TAS2R31: variants seen among roughly 807,000 people sequenced by gnomAD.
The protein encoded by TAS2R31 is taste receptor type 2 member 31.
For synonymous variants in TAS2R31, 118 were observed against 131.4 expected (o/e 0.90, Z 0.70); for missense variants, 352 against 347.4 (o/e 1.01, Z -0.10).
At position 11,031,072 on chromosome 12, in the gene TAS2R31, C is replaced by G. The variant is rs544402716; in HGVS notation, c.264G>C (p.Trp88Cys). The change falls in exon 1 of 1, where the codon TGG becomes TGC. Residue 88 changes from tryptophan (W) to cysteine (C), a missense_variant. Transcript: ENST00000390675. ...VEVRTTAYNV[W>C]AVTGHFSNWL... ...AGTTGCTGAAATGGCCGGTTACTGC[C>G]CAGACATTATAAGCAGTAGTTCTTA... The G allele has an allele frequency of 1.5e-4, 244 of 1,611,872 alleles. No homozygotes were observed. The East Asian group carries it at 2.9e-3, about 19-fold the overall frequency.
rs757761121 is a variant in TAS2R31, at chr12:11,030,411, G to A, written c.925C>T (p.Pro309Ser). 6.2e-7 allele frequency: 1 copy of A among 1,613,514 alleles called. No homozygotes were observed. Among genetic ancestry groups the A allele is most frequent in the South Asian group, 1.1e-5 (1 of 91,010 alleles). Residue 309 changes from proline (P) to serine (S), a missense_variant, in exon 1 of 1, where the codon CCA (proline) becomes TCA (serine). Physicochemically the swap from Pro to Ser is moderately conservative, Grantham distance 74 (BLOSUM62 -1). Transcript: ENST00000390675. Reference protein sequence around the residue: ...YWVKGEKPSSP With the variant: ...YWVKGEKPSSS ...ACAATGCCCCTCTCATGAATCTATGGAGATGAAGGCTTCTCTCCTTTCACC... is the reference window on the plus strand; with the variant it reads ...ACAATGCCCCTCTCATGAATCTATGAAGATGAAGGCTTCTCTCCTTTCACC...
In TAS2R31 at chr12:11,030,511, G is replaced by A. The variant is rs376570973; in HGVS notation, c.825C>T (p.His275=). 1.2e-6 allele frequency: 2 copies of A among 1,614,140 alleles called. No homozygotes were observed. Among genetic ancestry groups the A allele is most frequent in the Non-Finnish European group, 1.7e-6 (2 of 1,180,042 alleles). ...TGTTTCCCCAAATCAGGATGAATGG[G>A]TGGATTGAAGGATAGCTGAATCTAA... is the stretch of plus-strand genomic sequence containing the variant. ...KAIRFSYPSI[H]PFILIWGNKK... is the part of the protein sequence containing the mutation. Residue 275 remains histidine (H), a synonymous_variant, in exon 1 of 1, where the codon CAC becomes CAT. Coordinates refer to ENST00000390675, the MANE Select transcript of TAS2R31 (RefSeq NM_176885.2).
chr12:11,031,041 C>T lies in TAS2R31; in HGVS notation c.295G>A (p.Ala99Thr). The T allele has an allele frequency of 6.2e-7, 1 of 1,614,296 alleles. No homozygotes were observed. The highest frequency in any genetic ancestry group is 8.5e-7 in the Non-Finnish European group (1 of 1,180,062). ...AVTGHFSNWL[A>T]TSLSIFYLLK... The stretch of plus-strand genomic sequence containing the variant: ...AAATAAAATATGCTGAGGCTAGTAG[C>T]AAGCCAGTTGCTGAAATGGCCGGTT... The change falls in exon 1 of 1, where the codon GCT becomes ACT. Residue 99 changes from alanine to threonine, a missense_variant. Physicochemically the swap from Ala to Thr is moderately conservative, Grantham distance 58. Transcript: ENST00000390675.
At position 11,031,365 on chromosome 12, in the gene TAS2R31, A is replaced by T; in HGVS notation, c.-30T>A. 1 of 1,603,396 alleles carries T rather than the reference A, an allele frequency of 6.2e-7. No individual in the cohort carries two copies. The highest frequency in any genetic ancestry group is 8.5e-7 in the Non-Finnish European group (1 of 1,175,544). ...GAACAGACAAAAAAAAATTGTTTTA[A>T]TGCTGGTGTTGTGTCCGGAGTTGGT... On this transcript the variant is annotated 5_prime_UTR_variant, in exon 1 of 1. Transcript: ENST00000390675.
Position 11,030,551 on chromosome 12 carries a change from A to G in TAS2R31, c.785T>C (p.Met262Thr). ...GCTGAATCTAATAGCTTTGCAGAAC[A>G]TGAAGACAGGTTTGTTTTCCAGACT... ...FGSLENKPVFMFCKAIRFSYP... is the reference protein window; with the variant it reads ...FGSLENKPVFTFCKAIRFSYP... Residue 262 changes from methionine (M) to threonine (T), a missense_variant, in exon 1 of 1, where the codon ATG becomes ACG. Met to Thr is a moderately conservative substitution (Grantham distance 81, BLOSUM62 -1). Transcript: ENST00000390675. 1 of 1,614,218 alleles carries G rather than the reference A, an allele frequency of 6.2e-7. No homozygotes were observed. The highest frequency in any genetic ancestry group is 2.2e-5 in the East Asian group (1 of 44,894).
chr12:11,030,577 C>T lies in TAS2R31; in HGVS notation c.759G>A (p.Gly253=), dbSNP rs768817416. Residue 253 remains glycine (G), a synonymous_variant, in exon 1 of 1, where the codon GGG becomes GGA. Coordinates refer to ENST00000390675, the MANE Select transcript of TAS2R31 (RefSeq NM_176885.2). The part of the protein sequence containing the change: ...LSIMISVWSF[G]SLENKPVFMF... Reference sequence around the variant, plus strand: ...TGAAGACAGGTTTGTTTTCCAGACTCCCAAAACTCCAAACTGATATCATTA... The same window carrying T: ...TGAAGACAGGTTTGTTTTCCAGACTTCCAAAACTCCAAACTGATATCATTA... 31 of 1,614,118 alleles carry T rather than the reference C, an allele frequency of 1.9e-5. No homozygotes were observed. In the East Asian group the frequency reaches 3.6e-4, roughly 19 times the overall value.
Position 11,030,612 on chromosome 12 carries a change from A to C in TAS2R31, c.724T>G (p.Phe242Val). Residue 242 changes from phenylalanine (F) to valine (V), a missense_variant, in exon 1 of 1, where the codon TTT becomes GTT. Coordinates refer to ENST00000390675, the MANE Select transcript of TAS2R31 (RefSeq NM_176885.2). ...CAAACTGATATCATTATGGACAGAA[A>C]GTAAACGGCACATAACAAGAGGAAA... Reference protein sequence around the residue: ...IFFLLLCAVYFLSIMISVWSF... With the variant: ...IFFLLLCAVYVLSIMISVWSF... 6.2e-7 allele frequency: 1 copy of C among 1,614,078 alleles called. No individual in the cohort carries two copies. The highest frequency in any genetic ancestry group is 1.3e-5 in the African/African-American group (1 of 75,078).
rs540211700 is a variant in TAS2R31, at chr12:11,030,783, A to C, written c.553T>G (p.Leu185Val). ...AGCAGGGTCAGAGTGAAGGGCACTA[A>C]GTTTCCTAGCGTGGTTACAGTCGCA... ...SDATVTTLGNLVPFTLTLLCF... is the reference protein window; with the variant it reads ...SDATVTTLGNVVPFTLTLLCF... The change falls in exon 1 of 1, where the codon TTA (leucine) becomes GTA (valine). Residue 185 changes from leucine (L) to valine (V), a missense_variant. Leu to Val is a conservative substitution (Grantham distance 32). Transcript: ENST00000390675. 55 of 1,614,186 alleles carry C rather than the reference A, an allele frequency of 3.4e-5. No individual in the cohort carries two copies. In the African/African-American group the frequency reaches 6.4e-4, roughly 19 times the overall value.
rs746304807 is a variant in TAS2R31, at chr12:11,031,207, A to G, written c.129T>C (p.Phe43=). 6.2e-7 allele frequency: 1 copy of G among 1,614,166 alleles called. No homozygotes were observed. The highest frequency in any genetic ancestry group is 1.7e-5 in the Admixed American group (1 of 60,020). ...IERVKRQKIS[F]ADQILTALAV... ...CCAGAGCAGTGAGAATCTGGTCAGC[A>G]AAAGAGATCTTTTGTCTCTTGACCC... The change falls in exon 1 of 1, where the codon TTT becomes TTC. Residue 43 remains phenylalanine (F), a synonymous_variant. Coordinates refer to ENST00000390675, the MANE Select transcript of TAS2R31 (RefSeq NM_176885.2).
In TAS2R31 at chr12:11,031,261, G is replaced by A; in HGVS notation, c.75C>T (p.Gly25=). The A allele has an allele frequency of 6.2e-7, 1 of 1,614,030 alleles. No individual in the cohort carries two copies. Residue 25 remains glycine, a synonymous_variant, in exon 1 of 1, where the codon GGC becomes GGT. Coordinates refer to ENST00000390675, the MANE Select transcript of TAS2R31 (RefSeq NM_176885.2). ...CAATGGAATTTACCAATGCTATGAAGCCATTAGCAAAATTTCCAATAACAA... is the reference window on the plus strand; with the variant it reads ...CAATGGAATTTACCAATGCTATGAAACCATTAGCAAAATTTCCAATAACAA... ...VLFVIGNFAN[G]FIALVNSIER...
the TAS2R31 span, chr12:11,031,305 TG>T: frequency 6.2e-7 from 1 of 1,612,064 alleles, no homozygotes; most frequent in African/African-American, 1.3e-5. Context: ...ACTACCACAC[TG>T]GAAAAAATGA....
In TAS2R31 at chr12:11,031,378, G is replaced by T; in HGVS notation, c.-43C>A. ...AAAATTGTTTTAATGCTGGTGTTGTGTCCGGAGTTGGTTCCTGCAGGTGGG... is the reference window on the plus strand; with the variant it reads ...AAAATTGTTTTAATGCTGGTGTTGTTTCCGGAGTTGGTTCCTGCAGGTGGG... On this transcript the variant is annotated 5_prime_UTR_variant, in exon 1 of 1. Coordinates refer to ENST00000390675, the MANE Select transcript of TAS2R31 (RefSeq NM_176885.2). 1 of 1,295,208 alleles carries T rather than the reference G, an allele frequency of 7.7e-7. No individual in the cohort carries two copies. Among genetic ancestry groups the T allele is most frequent in the Non-Finnish European group, 1.1e-6 (1 of 950,960 alleles). 80.2% of individuals were successfully genotyped at this position (1,295,208 alleles called of 1,614,324 possible).
At chr12:11,030,928 AG>A in the TAS2R31 span, 2 of 1,614,278 alleles carry the variant, frequency 1.2e-6, no homozygotes, top group South Asian at 1.1e-5. Flanking sequence ...AAAATAGTAA[AG>A]GCCCCAACAG....
rs750903357 is a variant in TAS2R31 at position 11,030,489 on chromosome 12, T to C, written c.847A>G (p.Asn283Asp). Residue 283 changes from asparagine to aspartate, a missense_variant, in exon 1 of 1, where the codon AAC becomes GAC. Physicochemically the swap from Asn to Asp is conservative, Grantham distance 23. Transcript: ENST00000390675. ...AGAAAAGTCTGCTTTAGCTTCTTGTTTCCCCAAATCAGGATGAATGGGTGG... is the reference window on the plus strand; with the variant it reads ...AGAAAAGTCTGCTTTAGCTTCTTGTCTCCCCAAATCAGGATGAATGGGTGG... Reference protein sequence around the residue: ...SIHPFILIWGNKKLKQTFLSV... With the variant: ...SIHPFILIWGDKKLKQTFLSV... 14 of 1,614,274 alleles carry C rather than the reference T, an allele frequency of 8.7e-6. No homozygotes were observed. The highest frequency in any genetic ancestry group is 2.2e-5 in the South Asian group (2 of 91,092).
Sources: allele counts gnomAD v4.1 joint callset, GRCh38; gene constraint gnomAD v4.1.1; transcripts MANE v1.5; gene names NCBI Gene and HGNC (gene_info 2026-07-23, HGNC 2026-07-21).